Variants in RPTOR observed in about 807,000 individuals in gnomAD.
RPTOR encodes regulatory-associated protein of mTOR.
A neutral mutation model predicts 169.9 loss-of-function variants in RPTOR; 21 were observed. The ratio of observed to expected loss-of-function variants is 0.12; its 90% CI spans 0.09 to 0.18. The LOEUF (loss-of-function observed/expected upper bound fraction) is 0.18. Ranked by LOEUF, RPTOR falls within the 10% of genes least tolerant of loss-of-function variation. RPTOR has a pLI of 1.00. For synonymous variants in RPTOR, 732 were observed against 753.2 expected (o/e 0.97, Z 0.46); for missense variants, 1,133 against 1,855.9 (o/e 0.61, Z 7.16).
At chr17:80,598,174 G>GCACA (rs1386762863) in intron 1 of RPTOR, among the ~76,000 whole-genome samples, 2 of 152,060 alleles carry the variant, frequency 1.3e-5, no homozygotes, top group East Asian at 1.9e-4. Context: ...GAGATGTGGG[G>GCACA]CGTGTGGAAG....
At chr17:80,638,916 C>T (rs912512534) in intron 2 of RPTOR, among the ~76,000 whole-genome samples, 1 of 152,190 alleles carries the variant, frequency 6.6e-6, no homozygotes, top group Non-Finnish European at 1.5e-5. Context: ...TAAAAGATCT[C>T]GCTCCTGTAC....
At chr17:80,573,447 A>T (rs796694677) in intron 1 of RPTOR, among the ~76,000 whole-genome samples, 23 of 152,224 alleles carry the variant, frequency 1.5e-4, no homozygotes, top group African/African-American at 5.5e-4. Context: ...GAATTAAGTT[A>T]TATGCTTTTC....
intron 3 of RPTOR, among the ~76,000 whole-genome samples, chr17:80,681,662 G>GTTGAA (rs1567854330): frequency 4.7e-5 from 4 of 85,196 alleles, no homozygotes; most frequent in African/African-American, 7.3e-5. Context: ...CCTTCATGAG[G>GTTGAA]TGTACGTCTC....
chr17:80,695,553 G>A lies in RPTOR; in HGVS notation c.349-12288G>A, dbSNP rs1002529115. Among the ~76,000 whole-genome samples, 1 of 152,150 alleles carries A rather than the reference G, an allele frequency of 6.6e-6. No homozygotes were observed. The highest frequency in any genetic ancestry group is 6.5e-5 in the Admixed American group (1 of 15,270). On this transcript the variant is annotated intron_variant, in intron 3 of 33. Coordinates refer to ENST00000306801, the MANE Select transcript of RPTOR (RefSeq NM_020761.3). This position sits in a 1 kb window ranked among gnomAD's most constrained non-coding sequence, Gnocchi z 4.9. The stretch of plus-strand genomic sequence containing the variant: ...CTCCACTGCGAGAGTGCCTGGGGAT[G>A]CCTGCCAGCCACCCAGAGCCAGCGT...
intron 1 of RPTOR, among the ~76,000 whole-genome samples, chr17:80,564,066 CTTT>C (rs59934984): frequency 6.9e-6 from 1 of 144,398 alleles, no homozygotes; most frequent in Non-Finnish European, 1.5e-5. Flanking sequence ...CATGTCTTTT[CTTT>C]TTTTTTTTTT....
At chr17:80,701,181 A>T (rs981560420) in intron 3 of RPTOR, among the ~76,000 whole-genome samples, 2 of 152,122 alleles carry the variant, frequency 1.3e-5, no homozygotes, top group Non-Finnish European at 2.9e-5. Context: ...CCTCAGACAC[A>T]CTGATGGATT....
intron 7 of RPTOR, chr17:80,805,328 G>A (rs969148280): frequency 2.0e-5 from 3 of 152,370 alleles, no homozygotes; most frequent in Admixed American, 1.3e-4. Flanking sequence ...GAAGCTCCCT[G>A]ATGAGATGCA....
intron 6 of RPTOR, among the ~76,000 whole-genome samples, chr17:80,780,671 A>G (rs762399789): frequency 3.9e-4 from 60 of 152,136 alleles, no homozygotes; most frequent in Admixed American, 3.6e-3. Flanking sequence ...TTTACATATT[A>G]GGAATTTGCA....
intron 24 of RPTOR, 165 bp from the exon 25 acceptor site, chr17:80,940,331 C>T (rs991358966): frequency 6.4e-5 from 37 of 580,676 alleles, no homozygotes; most frequent in East Asian, 1.8e-4. Context: ...TGAGGTGTGC[C>T]GGAGGATGTG....
In RPTOR at chr17:80,936,454, T is replaced by G. The variant is rs914960712; in HGVS notation, c.2920-4042T>G. Among the ~76,000 whole-genome samples, 1 of 152,156 alleles carries G rather than the reference T, an allele frequency of 6.6e-6. No individual in the cohort carries two copies. The highest frequency in any genetic ancestry group is 1.5e-5 in the Non-Finnish European group (1 of 68,024). The stretch of plus-strand genomic sequence containing the variant: ...CCAAAAACTGGAAACAACCCAAGTT[T>G]CCTTCACCTCGTAAAGAGAGAAGCT... On this transcript the variant is annotated intron_variant, in intron 24 of 33. Coordinates refer to ENST00000306801, the MANE Select transcript of RPTOR (RefSeq NM_020761.3). This position sits in a 1 kb window ranked among gnomAD's most constrained non-coding sequence, Gnocchi z 4.1.
chr17:80,786,005 G>A (rs996954072), intron 6 of RPTOR, among the ~76,000 whole-genome samples: 6 of 152,182 alleles, frequency 3.9e-5, no homozygotes, highest in African/African-American at 1.4e-4. Flanking sequence ...GGGGAGAGGA[G>A]TGGCTAGGTG....
chr17:80,690,340 C>T (rs1051044763), intron 3 of RPTOR, among the ~76,000 whole-genome samples: 6 of 130,022 alleles, frequency 4.6e-5, no homozygotes, highest in African/African-American at 1.4e-4. Context: ...CACACACACA[C>T]ATACACACAC....
chr17:80,862,510 C>T (rs2067928909), intron 13 of RPTOR, among the ~76,000 whole-genome samples: 1 of 151,478 alleles, frequency 6.6e-6, no homozygotes, highest in Non-Finnish European at 1.5e-5. Context: ...ACAATGTGTG[C>T]ATGCCCCTCT....
Position 80,960,367 on chromosome 17 carries a change from A to G in RPTOR, c.3605+162A>G, listed in dbSNP as rs1339145066. Among the ~76,000 whole-genome samples, 3 of 152,140 alleles carry G rather than the reference A, an allele frequency of 2.0e-5. No homozygotes were observed. The highest frequency in any genetic ancestry group is 7.2e-5 in the African/African-American group (3 of 41,428). On this transcript the variant is annotated intron_variant, in intron 30 of 33. Coordinates refer to ENST00000306801, the MANE Select transcript of RPTOR (RefSeq NM_020761.3). This position sits in a 1 kb window ranked among gnomAD's most constrained non-coding sequence, Gnocchi z 4.8. ...ATTTAGGCCAGTCCTGGGCTCCCCA[A>G]AGCCGCCAGGCCCGTCCCACTGAGG...
At position 80,785,336 on chromosome 17, in the gene RPTOR, A is replaced by ATATTTTATC. The variant is rs534779666; in HGVS notation, c.831-6114_831-6113insTATTTTATC. ...AGATAAAATATAGTGATGAATCTCT[A>ATATTTTATC]AATGTAAAACATTTTATTTGGGAAG... On this transcript the variant is annotated intron_variant, in intron 6 of 33. Coordinates refer to ENST00000306801, the MANE Select transcript of RPTOR (RefSeq NM_020761.3). Among the ~76,000 whole-genome samples, 1,222 of 152,338 alleles carry ATATTTTATC rather than the reference A, an allele frequency of 8.0e-3. 19 individuals are homozygous for ATATTTTATC. The highest frequency in any genetic ancestry group is 0.028 in the African/African-American group (1,179 of 41,570).
In RPTOR at chr17:80,592,829, G is replaced by A. The variant is rs536070184; in HGVS notation, c.163-32862G>A. The stretch of plus-strand genomic sequence containing the variant: ...GTCTTCAGGACCCTTTTGGGGGTTT[G>A]TGAGGTCGGTTGCTAGGACAGGCCT... On this transcript the variant is annotated intron_variant, in intron 1 of 33. Coordinates refer to ENST00000306801, the MANE Select transcript of RPTOR (RefSeq NM_020761.3). Among the ~76,000 whole-genome samples, 294 of 152,320 alleles carry A rather than the reference G, an allele frequency of 1.9e-3. 1 individual carries two copies. Among genetic ancestry groups the A allele is most frequent in the African/African-American group, 6.8e-3 (284 of 41,568 alleles).
intron 11 of RPTOR, among the ~76,000 whole-genome samples, chr17:80,849,896 G>A (rs971935830): frequency 2.0e-5 from 3 of 152,208 alleles, no homozygotes; most frequent in Non-Finnish European, 4.4e-5. Flanking sequence ...TCGGCAGCTC[G>A]CCCGGAACTC....
chr17:80,941,132 GCT>G (rs2069020989), intron 25 of RPTOR: 1 of 154,496 alleles, frequency 6.5e-6, no homozygotes. Context: ...ATGGTGGCCA[GCT>G]CTGTCACCCC....
rs750153454 is a variant in RPTOR, at chr17:80,883,460, C to T, written c.1626C>T (p.Ile542=). 22 of 1,614,010 alleles carry T rather than the reference C, an allele frequency of 1.4e-5. No individual in the cohort carries two copies. Among genetic ancestry groups the T allele is most frequent in the Admixed American group, 6.7e-5 (4 of 60,004 alleles). Residue 542 remains isoleucine, a synonymous_variant, in exon 15 of 34, where the codon ATC becomes ATT. Transcript: ENST00000306801. ...RTMTAFILAV[I]VNSYHTGQEA... The stretch of plus-strand genomic sequence containing the variant: ...TGACGGCTTTCATTCTCGCCGTGAT[C>T]GTCAACAGCTATCACACGGGGCAGG...
Sources: gnomAD v4.1 joint callset for allele counts (sites outside exome capture counted in the v4.1 genomes callset) on GRCh38, gnomAD v4.1.1 for gene constraint, Gnocchi (gnomAD v3.1) non-coding constraint, MANE v1.5 for transcripts, NCBI Gene and HGNC (gene_info 2026-07-23, HGNC 2026-07-21) for gene names.